PTPRN2: variants seen among roughly 807,000 people sequenced by gnomAD.
PTPRN2 encodes the protein protein tyrosine phosphatase receptor type N2, also known as receptor-type tyrosine-protein phosphatase N2.
A neutral mutation model predicts 118.8 loss-of-function variants in PTPRN2; 74 were observed. The observed-to-expected ratio is 0.62, with a 90% CI of 0.52 to 0.76. The LOEUF is 0.76. PTPRN2 is among the 30% of genes least tolerant of loss of function. The pLI is 0.00. For missense variants in PTPRN2, 1,481 were observed against 1,394.4 expected (o/e 1.06, Z -0.99); for synonymous variants, 641 against 608.0 (o/e 1.05, Z -0.80).
At chr7:157,789,976 G>GGTGTGT (rs751218943) in intron 12 of PTPRN2, among the ~76,000 whole-genome samples, 1 of 148,188 alleles carries the variant, frequency 6.7e-6, no homozygotes, top group African/African-American at 2.5e-5. Flanking sequence ...TGCGTATGGT[G>GGTGTGT]GTGTGTGTGT....
At chr7:157,947,422 A>G (rs1421530266) in intron 11 of PTPRN2, among the ~76,000 whole-genome samples, 4 of 152,196 alleles carry the variant, frequency 2.6e-5, no homozygotes, top group Non-Finnish European at 5.9e-5. Context: ...CCCACCTATT[A>G]TTCCCCATTC....
intron 2 of PTPRN2, among the ~76,000 whole-genome samples, chr7:158,370,302 G>C (rs1044037167): frequency 1.3e-5 from 2 of 152,104 alleles, no homozygotes; most frequent in Non-Finnish European, 2.9e-5. Context: ...GCTAGGTATG[G>C]TGACACACCT....
In PTPRN2 at chr7:158,508,123, G is replaced by A. The variant is rs575033165; in HGVS notation, c.113-18338C>T. Among the ~76,000 whole-genome samples, 9 of 152,154 alleles carry A rather than the reference G, an allele frequency of 5.9e-5. No homozygotes were observed. The South Asian group carries it at 1.9e-3, about 32-fold the overall frequency. ...CAGGAAATCACATACACGGAGGTCA[G>A]TGAGGACCATCCAAGGGACAGCCCC... On this transcript the variant is annotated intron_variant, in intron 1 of 22. Transcript: ENST00000389418.
At chr7:157,728,758 C>T (rs147135338) in intron 12 of PTPRN2, among the ~76,000 whole-genome samples, 28 of 152,270 alleles carry the variant, frequency 1.8e-4, no homozygotes, top group African/African-American at 6.7e-4. Context: ...TTGCTTTTAC[C>T]TGCTTCTTAT....
At chr7:158,044,638 G>T (rs1341824829) in intron 11 of PTPRN2, among the ~76,000 whole-genome samples, 4 of 152,116 alleles carry the variant, frequency 2.6e-5, no homozygotes, top group Non-Finnish European at 5.9e-5. Context: ...ACAGGCTGCA[G>T]GAGGCCACAG....
intron 12 of PTPRN2, among the ~76,000 whole-genome samples, chr7:157,775,653 G>T (rs1047185014): frequency 6.6e-6 from 1 of 152,180 alleles, no homozygotes; most frequent in Admixed American, 6.5e-5. Flanking sequence ...GCTGAGGCGG[G>T]CGCAGCCTCG....
chr7:157,808,690 T>C lies in PTPRN2; in HGVS notation c.1788+89983A>G, dbSNP rs777568214. 6.6e-6 allele frequency among the ~76,000 whole-genome samples: 1 copy of C among 152,170 alleles called. No homozygotes were observed. Among genetic ancestry groups the C allele is most frequent in the African/African-American group, 2.4e-5 (1 of 41,426 alleles). On this transcript the variant is annotated intron_variant, in intron 12 of 22. Transcript: ENST00000389418. This position sits in a 1 kb window ranked among gnomAD's most constrained non-coding sequence, Gnocchi z 5.0. ...CAAATTAAGTGCACAGTAAATGTAA[T>C]GCGTTTGAATCATCCTGAAACCTTC...
rs1195971915 is a variant in PTPRN2, at chr7:157,787,252, G to A, written c.1789-104315C>T. Reference sequence around the variant, plus strand: ...CTTGGATGCCACTTATGACCCCCGCGTGCCAGTGGATGCCCACAACCCCTC... The same window carrying A: ...CTTGGATGCCACTTATGACCCCCGCATGCCAGTGGATGCCCACAACCCCTC... On this transcript the variant is annotated intron_variant, in intron 12 of 22. Transcript: ENST00000389418. This position sits in a 1 kb window ranked among gnomAD's most constrained non-coding sequence, Gnocchi z 5.3. 2.0e-5 allele frequency among the ~76,000 whole-genome samples: 3 copies of A among 152,222 alleles called. No homozygotes were observed. The highest frequency in any genetic ancestry group is 1.9e-4 in the East Asian group (1 of 5,158).
intron 3 of PTPRN2, among the ~76,000 whole-genome samples, chr7:158,230,454 C>G (rs768900498): frequency 1.4e-4 from 22 of 152,070 alleles, no homozygotes; most frequent in Non-Finnish European, 2.5e-4. Flanking sequence ...CTGCAGCAAC[C>G]TATTAAGAGA....
In PTPRN2 at chr7:158,117,067, G is replaced by GT. The variant is rs1816783940; in HGVS notation, c.1557-6153dup. On this transcript the variant is annotated intron_variant, in intron 9 of 22. Transcript: ENST00000389418. ...ACTACAGCCCATTCAAAGGAAAAAG[G>GT]TAAGTCAACAATAATTGTCTCTAAA... is the stretch of plus-strand genomic sequence containing the variant. 4.0e-5 allele frequency among the ~76,000 whole-genome samples: 6 copies of GT among 151,768 alleles called. No individual in the cohort carries two copies. In the South Asian group the frequency reaches 1.2e-3, roughly 32 times the overall value.
At chr7:158,105,924 A>G (rs961399913) in intron 10 of PTPRN2, among the ~76,000 whole-genome samples, 1 of 149,004 alleles carries the variant, frequency 6.7e-6, no homozygotes, top group Admixed American at 6.6e-5. Context: ...TCTCATCTCC[A>G]TACTACTGTA....
intron 9 of PTPRN2, among the ~76,000 whole-genome samples, chr7:158,128,301 G>A (rs182089453): frequency 6.6e-6 from 1 of 152,336 alleles, no homozygotes; most frequent in East Asian, 1.9e-4. Context: ...ATCACACCTT[G>A]CTCAAGCAGT....
chr7:158,241,243 T>C (rs1261370666), intron 3 of PTPRN2, among the ~76,000 whole-genome samples: 1 of 152,102 alleles, frequency 6.6e-6, no homozygotes, highest in Admixed American at 6.6e-5. Context: ...CGGCCGGGCG[T>C]GGTGGCTTAC....
chr7:158,326,724 A>T (rs1475646538), intron 2 of PTPRN2, among the ~76,000 whole-genome samples: 1 of 151,220 alleles, frequency 6.6e-6, no homozygotes, highest in Admixed American at 6.6e-5. Context: ...TCTCACATGC[A>T]TACATTCTCA....
Position 158,273,507 on chromosome 7 carries a change from C to T in PTPRN2, c.277+43312G>A, listed in dbSNP as rs1483408808. On this transcript the variant is annotated intron_variant, in intron 3 of 22. Transcript: ENST00000389418. The stretch of plus-strand genomic sequence containing the variant: ...GGGGAGCCGCAGGCACAGGGGGAGC[C>T]GCAGACAGACATGGGAGGAGCCGCA... Among the ~76,000 whole-genome samples, 12 of 125,384 alleles carry T rather than the reference C, an allele frequency of 9.6e-5. 1 individual carries two copies. The highest frequency in any genetic ancestry group is 5.6e-3 in the Middle Eastern group (1 of 180). 82.3% of individuals were successfully genotyped at this position (125,384 alleles called of 152,430 possible).
At position 157,668,863 on chromosome 7, in the gene PTPRN2, G is replaced by A. The variant is rs1204613675; in HGVS notation, c.2002-12312C>T. Among the ~76,000 whole-genome samples, 6 of 152,310 alleles carry A rather than the reference G, an allele frequency of 3.9e-5. No individual in the cohort carries two copies. The East Asian group carries it at 7.7e-4, about 20-fold the overall frequency. ...AAAATATTCCAGGTTGTTAAACGGG[G>A]TCATGTGTCATAGTGGGGAAAAAAA... On this transcript the variant is annotated intron_variant, in intron 13 of 22. Coordinates refer to ENST00000389418, the MANE Select transcript of PTPRN2 (RefSeq NM_002847.5).
intron 22 of PTPRN2, among the ~76,000 whole-genome samples, chr7:157,544,110 T>TGAAGAGAGGC (rs1798152787): frequency 9.6e-6 from 1 of 104,310 alleles, no homozygotes; most frequent in African/African-American, 3.8e-5. Flanking sequence ...CGGAGAGAGG[T>TGAAGAGAGGC]GGAGAGAGAT....
intron 2 of PTPRN2, among the ~76,000 whole-genome samples, chr7:158,382,204 T>C (rs2060918): frequency 0.88 from 134,584 of 152,090 alleles, 60,915 homozygotes; most frequent in Non-Finnish European, 0.97. Context: ...CACAGCCTCA[T>C]GACTCCAACT....
intron 12 of PTPRN2, among the ~76,000 whole-genome samples, chr7:157,851,773 C>T (rs1365084590): frequency 6.6e-6 from 1 of 152,250 alleles, no homozygotes; most frequent in Non-Finnish European, 1.5e-5. Context: ...AGCCTTCTCT[C>T]ACATGCGGAA....
Sources: gnomAD v4.1 joint callset for allele counts (sites outside exome capture counted in the v4.1 genomes callset) on GRCh38, gnomAD v4.1.1 for gene constraint, Gnocchi (gnomAD v3.1) non-coding constraint, MANE v1.5 for transcripts, NCBI Gene and HGNC (gene_info 2026-07-23, HGNC 2026-07-21) for gene names.